The following OPCML variants were observed in gnomAD, a reference collection of about 807,000 sequenced individuals.
OPCML encodes opioid-binding protein/cell adhesion molecule.
A neutral mutation model predicts 37.8 loss-of-function variants in OPCML; 13 were observed. The ratio of observed to expected loss-of-function variants is 0.34; its 90% CI spans 0.22 to 0.55. The LOEUF is 0.55. Ranked by LOEUF, OPCML falls within the 20% of genes least tolerant of loss-of-function variation. The pLI is 0.91. For missense variants in OPCML, 341 were observed against 435.6 expected (o/e 0.78, Z 1.93); for synonymous variants, 176 against 168.8 (o/e 1.04, Z -0.33).
chr11:133,233,496 C>G (rs568044074), intron 1 of OPCML, among the ~76,000 whole-genome samples: 3 of 152,228 alleles, frequency 2.0e-5, no homozygotes, highest in Non-Finnish European at 4.4e-5. Flanking sequence ...ACTAAAACAC[C>G]CTTAGTGCCC....
intron 2 of OPCML, among the ~76,000 whole-genome samples, chr11:132,924,431 T>C (rs998365691): frequency 3.6e-4 from 55 of 152,322 alleles, no homozygotes; most frequent in African/African-American, 1.3e-3. Flanking sequence ...TGTATACCAC[T>C]GCACCAAGCT....
At chr11:132,893,631 C>T (rs1943733248) in intron 2 of OPCML, among the ~76,000 whole-genome samples, 2 of 152,362 alleles carry the variant, frequency 1.3e-5, no homozygotes. Context: ...TCTCTCTTTG[C>T]CAGCCTCTTA....
chr11:133,460,105 A>T (rs1472615734), intron 1 of OPCML, among the ~76,000 whole-genome samples: 1 of 152,026 alleles, frequency 6.6e-6, no homozygotes, highest in Non-Finnish European at 1.5e-5. Context: ...GTTCATCAAC[A>T]TACCTTTAAA....
chr11:133,304,243 G>A (rs1049900864), intron 1 of OPCML, among the ~76,000 whole-genome samples: 28 of 152,258 alleles, frequency 1.8e-4, no homozygotes, highest in African/African-American at 6.0e-4. Context: ...TCACTATAAC[G>A]TAGCCCCTTA....
intron 1 of OPCML, among the ~76,000 whole-genome samples, chr11:133,080,346 C>T (rs1481853684): frequency 6.6e-6 from 1 of 152,148 alleles, no homozygotes; most frequent in Non-Finnish European, 1.5e-5. Context: ...TCTCATGACA[C>T]TACTGCGGCC....
chr11:132,708,123 C>T (rs1025677217), intron 2 of OPCML, among the ~76,000 whole-genome samples: 6 of 152,016 alleles, frequency 3.9e-5, no homozygotes, highest in Non-Finnish European at 7.4e-5. Flanking sequence ...GTGCTTCTGC[C>T]GTGGTGATTA....
chr11:132,581,078 G>T (rs1005793505), intron 3 of OPCML, among the ~76,000 whole-genome samples: 1 of 152,050 alleles, frequency 6.6e-6, no homozygotes, highest in African/African-American at 2.4e-5. Flanking sequence ...AAAGGAAGAG[G>T]TCTTTAATGT....
chr11:133,397,885 A>G (rs1346422060), intron 1 of OPCML, among the ~76,000 whole-genome samples: 1 of 152,244 alleles, frequency 6.6e-6, no homozygotes, highest in African/African-American at 2.4e-5. Context: ...AGGTAGAGGC[A>G]TTACATTAAA....
At chr11:133,188,034 G>A (rs1366724839) in intron 1 of OPCML, among the ~76,000 whole-genome samples, 1 of 152,196 alleles carries the variant, frequency 6.6e-6, no homozygotes, top group Non-Finnish European at 1.5e-5. Context: ...GAAGCCTTCT[G>A]TCCAAGCCAA....
intron 2 of OPCML, among the ~76,000 whole-genome samples, chr11:132,754,225 G>A (rs985702361): frequency 1.3e-5 from 2 of 152,202 alleles, no homozygotes; most frequent in South Asian, 4.1e-4. Context: ...CTTACTCCAT[G>A]ATATGGTTTG....
At chr11:132,897,289 C>G (rs534449204) in intron 2 of OPCML, among the ~76,000 whole-genome samples, 24 of 152,292 alleles carry the variant, frequency 1.6e-4, no homozygotes, top group African/African-American at 5.8e-4. Flanking sequence ...TGGCCAGCTA[C>G]TGGGCCTTAA....
intron 4 of OPCML, among the ~76,000 whole-genome samples, chr11:132,458,367 G>T (rs1210971341): frequency 6.6e-6 from 1 of 152,212 alleles, no homozygotes; most frequent in African/African-American, 2.4e-5. Flanking sequence ...GAGCTAAAAA[G>T]TGTGGATTCT....
At chr11:133,351,595 T>C (rs1944138213) in intron 1 of OPCML, among the ~76,000 whole-genome samples, 1 of 152,284 alleles carries the variant, frequency 6.6e-6, no homozygotes, top group South Asian at 2.1e-4. Context: ...GCCTAGGTCT[T>C]CCAGTCTCCT....
At chr11:132,570,824 ATATACTT>A (rs2096436662) in intron 3 of OPCML, among the ~76,000 whole-genome samples, 1 of 118,278 alleles carries the variant, frequency 8.5e-6, no homozygotes, top group Admixed American at 8.5e-5. Flanking sequence ...GAGAGAGGAT[ATATACTT>A]TAGGCATGTT....
In OPCML at chr11:132,559,556, T is replaced by C. The variant is rs377114103; in HGVS notation, c.380-30370A>G. Reference sequence around the variant, plus strand: ...TTTTATTAGTACTTCTTTTTCTTTTTTCTCTTCAATTTTTTCCACTCCAAA... The same window carrying C: ...TTTTATTAGTACTTCTTTTTCTTTTCTCTCTTCAATTTTTTCCACTCCAAA... On this transcript the variant is annotated intron_variant, in intron 3 of 7. Coordinates refer to ENST00000524381, the MANE Select transcript of OPCML (RefSeq NM_001012393.5). 5.2e-4 allele frequency among the ~76,000 whole-genome samples: 79 copies of C among 152,312 alleles called. 1 individual carries two copies. Among genetic ancestry groups the C allele is most frequent in the Middle Eastern group, 3.4e-3 (1 of 294 alleles).
chr11:133,418,949 T>C lies in OPCML; in HGVS notation c.61+113315A>G, dbSNP rs550901027. Among the ~76,000 whole-genome samples the C allele has an allele frequency of 3.3e-5, 5 of 152,318 alleles. No homozygotes were observed. The South Asian group carries it at 8.3e-4, about 25-fold the overall frequency. Reference sequence around the variant, plus strand: ...GCAATTTGTGACTCAACAGGTCCTGTGGCCCCACAGGCACCCAGAGACTGA... The same window carrying C: ...GCAATTTGTGACTCAACAGGTCCTGCGGCCCCACAGGCACCCAGAGACTGA... On this transcript the variant is annotated intron_variant, in intron 1 of 7. Coordinates refer to ENST00000524381, the MANE Select transcript of OPCML (RefSeq NM_001012393.5).
At chr11:132,752,634 A>G (rs1258114893) in intron 2 of OPCML, among the ~76,000 whole-genome samples, 1 of 152,020 alleles carries the variant, frequency 6.6e-6, no homozygotes, top group Non-Finnish European at 1.5e-5. Flanking sequence ...AAATCCTTAC[A>G]AAGAATTTAG....
chr11:133,184,879 C>A (rs755806776), intron 1 of OPCML, among the ~76,000 whole-genome samples: 1 of 152,180 alleles, frequency 6.6e-6, no homozygotes, highest in Non-Finnish European at 1.5e-5. Flanking sequence ...TCCCGCAGGA[C>A]GTTTTCTAGT....
chr11:133,172,043 T>C (rs555867363), intron 1 of OPCML, among the ~76,000 whole-genome samples: 1 of 152,380 alleles, frequency 6.6e-6, no homozygotes, highest in African/African-American at 2.4e-5. Flanking sequence ...GGAAATAGCA[T>C]GTAAATGCAG....
Sources: gnomAD v4.1 joint callset for allele counts (sites outside exome capture counted in the v4.1 genomes callset) on GRCh38, gnomAD v4.1.1 for gene constraint, MANE v1.5 for transcripts, NCBI Gene and HGNC (gene_info 2026-07-23, HGNC 2026-07-21) for gene names.